Variants in STON2 observed in about 807,000 individuals in gnomAD.
STON2 encodes stonin-2.
Under a neutral mutation model 65.7 loss-of-function variants are expected in STON2, and 29 were observed. The observed-to-expected ratio is 0.44, with a 90% CI of 0.33 to 0.60. The LOEUF is 0.60. Ranked by LOEUF, STON2 falls within the 20% of genes least tolerant of loss-of-function variation. STON2 has a pLI of 0.03. For synonymous variants in STON2, 404 were observed against 414.2 expected (o/e 0.98, Z 0.30); for missense variants, 1,054 against 1,118.1 (o/e 0.94, Z 0.82).
intron 3 of STON2, among the ~76,000 whole-genome samples, chr14:81,379,448 G>A (rs1015259526): frequency 2.4e-4 from 37 of 152,236 alleles, no homozygotes; most frequent in African/African-American, 8.7e-4. Flanking sequence ...TAAACATTTA[G>A]AGATTGAAAG....
intron 3 of STON2, among the ~76,000 whole-genome samples, chr14:81,391,483 T>C (rs1412665458): frequency 1.3e-5 from 2 of 152,208 alleles, no homozygotes; most frequent in Admixed American, 6.5e-5. Context: ...TCCTGTGTAA[T>C]TGGCCTTAGC....
intron 4 of STON2, 87 bp downstream of exon 4, chr14:81,370,901 T>C (rs1476312773): frequency 3.9e-6 from 5 of 1,268,084 alleles, no homozygotes; most frequent in Admixed American, 2.0e-5. Flanking sequence ...GGAAGCCAGC[T>C]GCAGCAATTT....
intron 4 of STON2, among the ~76,000 whole-genome samples, chr14:81,341,918 T>G (rs1045948393): frequency 1.3e-5 from 2 of 152,136 alleles, no homozygotes; most frequent in Admixed American, 6.5e-5. Context: ...TGCAGCTCCA[T>G]TCCTCATTTT....
chr14:81,273,255 G>C (rs1478737534), intron 6 of STON2, among the ~76,000 whole-genome samples: 1 of 152,186 alleles, frequency 6.6e-6, no homozygotes, highest in Admixed American at 6.5e-5. Context: ...GGACAGTTAA[G>C]GAAGTTCAAT....
At chr14:81,318,363 A>T (rs1896702236) in intron 5 of STON2, among the ~76,000 whole-genome samples, 1 of 152,044 alleles carries the variant, frequency 6.6e-6, no homozygotes, top group Non-Finnish European at 1.5e-5. Context: ...GCTCCAGAGG[A>T]TGCACACTTC....
chr14:81,299,761 TA>T (rs1462679218), intron 5 of STON2, among the ~76,000 whole-genome samples: 1 of 152,010 alleles, frequency 6.6e-6, no homozygotes, highest in Non-Finnish European at 1.5e-5. Flanking sequence ...TACATAGAAG[TA>T]AACTTAATAA....
intron 5 of STON2, among the ~76,000 whole-genome samples, chr14:81,287,547 G>T (rs571909874): frequency 6.6e-6 from 1 of 152,184 alleles, no homozygotes; most frequent in East Asian, 1.9e-4. Context: ...AGCCTGCCCT[G>T]CCAACTCCCT....
chr14:81,409,266 G>C (rs1003818691), intron 2 of STON2, among the ~76,000 whole-genome samples: 1 of 151,900 alleles, frequency 6.6e-6, no homozygotes, highest in Non-Finnish European at 1.5e-5. Flanking sequence ...TTAGCCAGGC[G>C]TAGTGGTGTG....
At chr14:81,429,306 G>A (rs1902129652) in intron 1 of STON2, among the ~76,000 whole-genome samples, 1 of 152,184 alleles carries the variant, frequency 6.6e-6, no homozygotes, top group South Asian at 2.1e-4. Context: ...GAAGCACCAG[G>A]GGATTTCTGC....
At chr14:81,323,956 G>A (rs1037455860) in intron 5 of STON2, among the ~76,000 whole-genome samples, 61 bp downstream of exon 5, 1 of 151,858 alleles carries the variant, frequency 6.6e-6, no homozygotes, top group Non-Finnish European at 1.5e-5. Context: ...CAATCAAAAA[G>A]AAAAGCCAAC....
chr14:81,369,644 T>C (rs752779593), intron 4 of STON2, among the ~76,000 whole-genome samples: 4 of 152,220 alleles, frequency 2.6e-5, no homozygotes, highest in East Asian at 1.9e-4. Flanking sequence ...TGGTGAGGTA[T>C]ACCCATTTTT....
At chr14:81,384,132 T>C (rs1899671732) in intron 3 of STON2, among the ~76,000 whole-genome samples, 1 of 152,186 alleles carries the variant, frequency 6.6e-6, no homozygotes, top group African/African-American at 2.4e-5. Context: ...AGTCACTCCC[T>C]GGCCTTATGG....
chr14:81,400,631 G>A (rs1291681574), upstream of STON2, among the ~76,000 whole-genome samples: 1 of 152,118 alleles, frequency 6.6e-6, no homozygotes, highest in African/African-American at 2.4e-5. Flanking sequence ...GGGGACGAAG[G>A]TGAAGGTAAG....
At chr14:81,275,514 C>G (rs960772821) in intron 6 of STON2, among the ~76,000 whole-genome samples, 16 of 152,138 alleles carry the variant, frequency 1.1e-4, no homozygotes, top group African/African-American at 3.9e-4. Context: ...CTCTCTTCCT[C>G]TGTCAATTCA....
intron 5 of STON2, among the ~76,000 whole-genome samples, chr14:81,300,192 A>G (rs1331099704): frequency 1.3e-5 from 2 of 152,036 alleles, no homozygotes; most frequent in Admixed American, 1.3e-4. Context: ...GGAATTCAAG[A>G]AAAAAAGTTC....
chr14:81,262,609 A>G lies in STON2; in HGVS notation c.*5805T>C, dbSNP rs1435113636. On this transcript the variant is annotated 3_prime_UTR_variant, in exon 8 of 8. Coordinates refer to ENST00000614646, the MANE Select transcript of STON2 (RefSeq NM_001394390.1). ...TCTCTTGTAGCTTTTGTTACATCCAATGATCATTTGCCTCTCTCCAGGCAC... is the reference window on the plus strand; with the variant it reads ...TCTCTTGTAGCTTTTGTTACATCCAGTGATCATTTGCCTCTCTCCAGGCAC... 7 of 985,278 alleles carry G rather than the reference A, an allele frequency of 7.1e-6. No individual in the cohort carries two copies. The highest frequency in any genetic ancestry group is 5.2e-5 in the African/African-American group (3 of 57,236). 61.0% of individuals were successfully genotyped at this position (985,278 alleles called of 1,614,324 possible).
chr14:81,371,296 C>G, intron 3 of STON2, 111 bp from the exon 4 acceptor site: 2 of 1,009,040 alleles, frequency 2.0e-6, no homozygotes, highest in Non-Finnish European at 2.9e-6. Context: ...TCTCAACAGT[C>G]ATATGAGGCA....
chr14:81,408,496 C>T (rs1239965084), intron 2 of STON2, among the ~76,000 whole-genome samples: 1 of 152,200 alleles, frequency 6.6e-6, no homozygotes, highest in Non-Finnish European at 1.5e-5. Flanking sequence ...GCACACACAG[C>T]ATAATCTCCT....
At chr14:81,354,021 G>C (rs1048325417) in intron 4 of STON2, among the ~76,000 whole-genome samples, 9 of 152,226 alleles carry the variant, frequency 5.9e-5, no homozygotes, top group African/African-American at 1.4e-4. Flanking sequence ...ACTGAGAAAA[G>C]CAGAGGAAAA....
Sources: gnomAD v4.1 joint callset for allele counts (sites outside exome capture counted in the v4.1 genomes callset) on GRCh38, gnomAD v4.1.1 for gene constraint, MANE v1.5 for transcripts, NCBI Gene and HGNC (gene_info 2026-07-23, HGNC 2026-07-21) for gene names.